The following ADAMTS12 variants were observed in gnomAD, a reference collection of about 807,000 sequenced individuals.
ADAMTS12 encodes ADAM metallopeptidase with thrombospondin type 1 motif 12.
A neutral mutation model predicts 167.8 loss-of-function variants in ADAMTS12; 118 were observed. The observed-to-expected ratio is 0.70, with a 90% CI of 0.61 to 0.82. ADAMTS12 has a LOEUF of 0.82. Among genes scored for constraint, ADAMTS12 ranks in the 40% least tolerant of loss-of-function variants. ADAMTS12 has a pLI of 0.00. For missense variants in ADAMTS12, 1,916 were observed against 1,998.8 expected, an observed-to-expected ratio of 0.96 and a Z score of 0.79; for synonymous variants, 704 against 716.9, an observed-to-expected ratio of 0.98 and a Z score of 0.29.
chr5:33,647,430 T>G (rs1740711611), intron 9 of ADAMTS12, among the ~76,000 whole-genome samples: 1 of 151,518 alleles, frequency 6.6e-6, no homozygotes, highest in Admixed American at 6.6e-5. Flanking sequence ...TAGGAACAGG[T>G]GGATTTTAGA....
At chr5:33,819,495 G>A (rs773172221) in intron 2 of ADAMTS12, among the ~76,000 whole-genome samples, 3 of 151,708 alleles carry the variant, frequency 2.0e-5, no homozygotes, top group Non-Finnish European at 2.9e-5. Flanking sequence ...TTTAAATTTC[G>A]ACATGTGATG....
chr5:33,763,337 G>A (rs1425483120), intron 2 of ADAMTS12, among the ~76,000 whole-genome samples: 1 of 152,158 alleles, frequency 6.6e-6, no homozygotes, highest in Non-Finnish European at 1.5e-5. Flanking sequence ...GAGATGAAGT[G>A]ACAGGGGCAA....
In ADAMTS12 at chr5:33,546,056, T is replaced by C. The variant is rs753430477; in HGVS notation, c.4446+3A>G. 1.4e-5 allele frequency: 23 copies of C among 1,607,478 alleles called. No individual in the cohort carries two copies. Among genetic ancestry groups the C allele is most frequent in the Non-Finnish European group, 1.9e-5 (22 of 1,178,260 alleles). On this transcript the variant is annotated splice_donor_region_variant and intron_variant, in intron 22 of 23. Coordinates refer to ENST00000504830, the MANE Select transcript of ADAMTS12 (RefSeq NM_030955.4). ...AAAAAAAGTATGTATAACCAAGTCT[T>C]ACCAGGTCCCAGTTCCCAGTGGCCC...
chr5:33,585,937 A>C (rs1473641573), intron 18 of ADAMTS12, among the ~76,000 whole-genome samples: 1 of 152,104 alleles, frequency 6.6e-6, no homozygotes, highest in Non-Finnish European at 1.5e-5. Flanking sequence ...TGATAAGGAA[A>C]GGAGCTCATG....
intron 7 of ADAMTS12, 90 bp downstream of exon 7, chr5:33,658,094 C>T (rs1741124889): frequency 6.6e-7 from 1 of 1,505,188 alleles, no homozygotes; most frequent in African/African-American, 1.4e-5. Context: ...TCTCCTGACC[C>T]CCAATTTGAG....
At chr5:33,559,576 T>C (rs1003776067) in intron 20 of ADAMTS12, among the ~76,000 whole-genome samples, 4 of 152,094 alleles carry the variant, frequency 2.6e-5, no homozygotes, top group Non-Finnish European at 4.4e-5. Flanking sequence ...GATGGTAAAA[T>C]TGCACTTTAA....
chr5:33,681,725 A>G (rs1253097747), intron 5 of ADAMTS12, among the ~76,000 whole-genome samples: 4 of 152,230 alleles, frequency 2.6e-5, no homozygotes, highest in Middle Eastern at 3.2e-3. Context: ...TACACGGGGC[A>G]TAAGGCATGA....
intron 22 of ADAMTS12, among the ~76,000 whole-genome samples, chr5:33,535,601 A>G (rs998212111): frequency 2.6e-5 from 4 of 152,182 alleles, no homozygotes; most frequent in African/African-American, 7.2e-5. Context: ...CCTTGGTTCT[A>G]GCTAAGACTC....
chr5:33,563,289 CT>C (rs1203353186), intron 19 of ADAMTS12, among the ~76,000 whole-genome samples: 1 of 152,174 alleles, frequency 6.6e-6, no homozygotes, highest in African/African-American at 2.4e-5. Flanking sequence ...GACTTTGCAG[CT>C]TCTGTCATCC....
intron 3 of ADAMTS12, among the ~76,000 whole-genome samples, chr5:33,741,843 G>T (rs1259133947): frequency 6.6e-6 from 1 of 152,088 alleles, no homozygotes. Flanking sequence ...GGCCAGGATG[G>T]TCTCAATCTC....
chr5:33,719,951 T>C (rs554656472), intron 3 of ADAMTS12, among the ~76,000 whole-genome samples: 2 of 152,336 alleles, frequency 1.3e-5, no homozygotes, highest in South Asian at 2.1e-4. Flanking sequence ...AAAGCACTCA[T>C]GTGTATCTGC....
intron 2 of ADAMTS12, among the ~76,000 whole-genome samples, chr5:33,777,309 C>T (rs1186341223): frequency 1.4e-4 from 22 of 151,970 alleles, no homozygotes; most frequent in Non-Finnish European, 1.5e-5. Flanking sequence ...TTCACTGGCA[C>T]ATTTAAAAAA....
intron 5 of ADAMTS12, among the ~76,000 whole-genome samples, chr5:33,677,119 T>C (rs1741942140): frequency 6.6e-6 from 1 of 152,218 alleles, no homozygotes. Context: ...CATATGACCC[T>C]GATTTTGTCC....
chr5:33,545,630 G>A (rs1744933605), intron 22 of ADAMTS12, among the ~76,000 whole-genome samples: 1 of 152,120 alleles, frequency 6.6e-6, no homozygotes, highest in Admixed American at 6.5e-5. Flanking sequence ...AGCAATTATA[G>A]ACTGGATTAA....
At chr5:33,535,103 C>T (rs1744316346) in intron 22 of ADAMTS12, 111 bp from the exon 23 acceptor site, 2 of 1,155,794 alleles carry the variant, frequency 1.7e-6, no homozygotes, top group Non-Finnish European at 2.4e-6. Flanking sequence ...ATCTCAATAA[C>T]CAGAAACCTT....
intron 22 of ADAMTS12, among the ~76,000 whole-genome samples, chr5:33,543,018 C>A (rs1744785817): frequency 6.6e-6 from 1 of 152,086 alleles, no homozygotes; most frequent in Non-Finnish European, 1.5e-5. Flanking sequence ...AAGATCAGAG[C>A]AGAACTGAAG....
At chr5:33,743,256 A>G (rs962798805) in intron 3 of ADAMTS12, among the ~76,000 whole-genome samples, 5 of 152,218 alleles carry the variant, frequency 3.3e-5, no homozygotes, top group African/African-American at 1.2e-4. Context: ...GGTGGGGGCC[A>G]GCAGGCCTCG....
chr5:33,884,724 G>A (rs1188588730), intron 1 of ADAMTS12, among the ~76,000 whole-genome samples: 1 of 152,204 alleles, frequency 6.6e-6, no homozygotes, highest in African/African-American at 2.4e-5. Flanking sequence ...CATATGGTCT[G>A]AAATTTCTCT....
intron 12 of ADAMTS12, 27 bp downstream of exon 12, chr5:33,637,550 C>A (rs1266869137): frequency 6.2e-7 from 1 of 1,600,774 alleles, no homozygotes; most frequent in Non-Finnish European, 8.5e-7. Flanking sequence ...TTCCCTAGAT[C>A]TGAGATACAC....
Sources: allele counts gnomAD v4.1 joint callset (sites outside exome capture counted in the v4.1 genomes callset), GRCh38; gene constraint gnomAD v4.1.1; transcripts MANE v1.5; gene names NCBI Gene and HGNC (gene_info 2026-07-23, HGNC 2026-07-21).